ERCC6L2: variants seen among roughly 807,000 people sequenced by gnomAD.
ERCC6L2 encodes the protein DNA excision repair protein ERCC-6-like 2.
A neutral mutation model predicts 132.0 loss-of-function variants in ERCC6L2; 77 were observed. That is an observed-to-expected ratio of 0.58 (90% CI 0.49 to 0.71). The LOEUF is 0.71. Among genes scored for constraint, ERCC6L2 ranks in the 30% least tolerant of loss-of-function variants. The probability of loss-of-function intolerance (pLI) is 0.00; values close to 1 mark genes in which losing one functional copy is unlikely to be tolerated. For synonymous variants in ERCC6L2, 583 were observed against 632.4 expected (o/e 0.92, Z 1.17); for missense variants, 1,542 against 1,837.6 (o/e 0.84, Z 2.94).
intron 6 of ERCC6L2, chr9:95,918,201 T>C: frequency 2.1e-6 from 1 of 481,806 alleles, no homozygotes. Context: ...CAGTCAGCCC[T>C]GTAGACATGA....
chr9:96,021,484 G>A (rs1834288701), downstream of ERCC6L2: 2 of 183,440 alleles, frequency 1.1e-5, no homozygotes, highest in East Asian at 1.8e-4. This position sits in a 1 kb window ranked among gnomAD's most constrained non-coding sequence, Gnocchi z 4.7. Flanking sequence ...TCGGTTCTCC[G>A]GACCCCCGCG....
chr9:95,886,834 C>T lies in ERCC6L2; in HGVS notation c.471+5541C>T, dbSNP rs549547799. On this transcript the variant is annotated intron_variant, in intron 2 of 18. Transcript: ENST00000653738. ...AAAGACAGACCCATCCTTAATCTGG[C>T]AGGCACAGTCTTATCAGCTGCCAGC... Among the ~76,000 whole-genome samples, 22 of 152,306 alleles carry T rather than the reference C, an allele frequency of 1.4e-4. No individual in the cohort carries two copies. The South Asian group carries it at 4.6e-3, about 32-fold the overall frequency.
At chr9:96,023,198 G>A (rs574560252), downstream of ERCC6L2, among the ~76,000 whole-genome samples, 17 of 152,212 alleles carry the variant, frequency 1.1e-4, no homozygotes, top group Middle Eastern at 3.4e-3. Flanking sequence ...AGATAAGACA[G>A]GCCAAGACCC....
At chr9:96,030,070 T>C (rs1438720045) in intron 19 of ERCC6L2, among the ~76,000 whole-genome samples, 1 of 152,208 alleles carries the variant, frequency 6.6e-6, no homozygotes, top group Non-Finnish European at 1.5e-5. Context: ...CTTTTCTGTC[T>C]TACAAGAGGA....
At chr9:95,879,220 C>T (rs1365202903) in intron 1 of ERCC6L2, among the ~76,000 whole-genome samples, 1 of 152,096 alleles carries the variant, frequency 6.6e-6, no homozygotes, top group African/African-American at 2.4e-5. Context: ...GATGGTATCT[C>T]ATTGTGGCTT....
chr9:95,967,378 C>T lies in ERCC6L2; in HGVS notation c.2100+664C>T, dbSNP rs184510556. On this transcript the variant is annotated intron_variant, in intron 14 of 18. Coordinates refer to ENST00000653738, the MANE Select transcript of ERCC6L2 (RefSeq NM_020207.7). ...CCTCCTCATGGTATAGATGAGGAAA[C>T]TGAGTCTTAGAGAACTTCAGGATAT... 4.9e-4 allele frequency: 75 copies of T among 152,236 alleles called. 1 individual carries two copies. The highest frequency in any genetic ancestry group is 3.5e-3 in the Admixed American group (53 of 15,274). 9.4% of individuals were successfully genotyped at this position (152,236 alleles called of 1,614,324 possible). A position where few individuals can be genotyped will look rare whatever the true frequency, so the allele number is the denominator to read the frequency against.
intron 2 of ERCC6L2, among the ~76,000 whole-genome samples, chr9:95,897,477 G>A (rs567814447): frequency 3.9e-5 from 6 of 152,048 alleles, no homozygotes; most frequent in African/African-American, 1.2e-4. Context: ...CCCCCTTAAG[G>A]AATTTATTTT....
At chr9:95,889,467 A>ATGTG (rs150280157) in intron 2 of ERCC6L2, among the ~76,000 whole-genome samples, 7 of 150,786 alleles carry the variant, frequency 4.6e-5, no homozygotes, top group South Asian at 2.1e-4. Flanking sequence ...CTGTCAATAT[A>ATGTG]TGTGTGTGTG....
intron 2 of ERCC6L2, among the ~76,000 whole-genome samples, chr9:95,885,667 G>A (rs1827826897): frequency 6.6e-6 from 1 of 152,188 alleles, no homozygotes; most frequent in African/African-American, 2.4e-5. Context: ...TTGGTAATCA[G>A]ACAACTCAGT....
At chr9:95,907,528 A>G (rs1207608445) in intron 4 of ERCC6L2, among the ~76,000 whole-genome samples, 3 of 151,912 alleles carry the variant, frequency 2.0e-5, no homozygotes, top group Non-Finnish European at 4.4e-5. Context: ...TTTAAAAAGG[A>G]ATAATGATGA....
intron 17 of ERCC6L2, among the ~76,000 whole-genome samples, chr9:95,993,199 A>G (rs988245488): frequency 6.6e-6 from 1 of 152,212 alleles, no homozygotes; most frequent in Non-Finnish European, 1.5e-5. Context: ...AGAAAGGTAC[A>G]GAATCTCCCC....
At chr9:95,974,722 T>TTGTGTGTGTG (rs139478214) in intron 16 of ERCC6L2, among the ~76,000 whole-genome samples, 164 of 149,800 alleles carry the variant, frequency 1.1e-3, no homozygotes, top group African/African-American at 2.3e-3. Context: ...GTGGCCAGAT[T>TTGTGTGTGTG]TGTGTGTGTG....
chr9:95,982,515 A>G (rs1032708432), intron 17 of ERCC6L2, among the ~76,000 whole-genome samples: 1 of 152,100 alleles, frequency 6.6e-6, no homozygotes, highest in Admixed American at 6.6e-5. Flanking sequence ...CTTTAAAGTA[A>G]TTGTTCACAA....
In ERCC6L2 at chr9:95,898,116, A is replaced by G. The variant is rs1587863350; in HGVS notation, c.594+145A>G. ...AAGATGTTATTAAAATATTTGTTTTATAGGCCTAATTTTTGAAAGATTACC... is the reference window on the plus strand; with the variant it reads ...AAGATGTTATTAAAATATTTGTTTTGTAGGCCTAATTTTTGAAAGATTACC... On this transcript the variant is annotated intron_variant, in intron 3 of 18. Coordinates refer to ENST00000653738, the MANE Select transcript of ERCC6L2 (RefSeq NM_020207.7). The G allele has an allele frequency of 1.1e-5, 8 of 755,106 alleles. No individual in the cohort carries two copies. In the South Asian group the frequency reaches 1.5e-4, roughly 14 times the overall value. 46.8% of individuals were successfully genotyped at this position (755,106 alleles called of 1,614,324 possible).
intron 11 of ERCC6L2, among the ~76,000 whole-genome samples, chr9:95,938,443 A>T (rs1452533066): frequency 1.3e-5 from 2 of 152,074 alleles, no homozygotes; most frequent in African/African-American, 4.8e-5. Flanking sequence ...GGGATATTGA[A>T]ATCCTCAACT....
At chr9:95,952,868 A>G (rs1831406881) in intron 12 of ERCC6L2, among the ~76,000 whole-genome samples, 1 of 152,076 alleles carries the variant, frequency 6.6e-6, no homozygotes, top group Non-Finnish European at 1.5e-5. Flanking sequence ...CTACTTCAAC[A>G]TATAAGGTCA....
chr9:96,016,759 A>T lies in ERCC6L2; in HGVS notation c.*3556A>T, dbSNP rs934513503. On this transcript the variant is annotated 3_prime_UTR_variant, in exon 19 of 19. Coordinates refer to ENST00000653738, the MANE Select transcript of ERCC6L2 (RefSeq NM_020207.7). ...ATATCAAAATAGCCCTCTTTTTTGAAATGATGGTAGATCATACCTTTTGGT... is the reference window on the plus strand; with the variant it reads ...ATATCAAAATAGCCCTCTTTTTTGATATGATGGTAGATCATACCTTTTGGT... 6.6e-6 allele frequency among the ~76,000 whole-genome samples: 1 copy of T among 152,212 alleles called. No homozygotes were observed. Among genetic ancestry groups the T allele is most frequent in the Non-Finnish European group, 1.5e-5 (1 of 68,042 alleles).
chr9:95,952,875 G>A (rs1293575196), intron 12 of ERCC6L2, among the ~76,000 whole-genome samples: 1 of 151,984 alleles, frequency 6.6e-6, no homozygotes, highest in Non-Finnish European at 1.5e-5. Context: ...AACATATAAG[G>A]TCATTTATGA....
chr9:95,919,111 C>A (rs1043684505), intron 6 of ERCC6L2, among the ~76,000 whole-genome samples: 7 of 152,064 alleles, frequency 4.6e-5, no homozygotes, highest in African/African-American at 1.7e-4. Context: ...TCGTGATCTG[C>A]CTGCCTCCCA....
Sources: gnomAD v4.1 joint callset for allele counts (sites outside exome capture counted in the v4.1 genomes callset) on GRCh38, gnomAD v4.1.1 for gene constraint, Gnocchi (gnomAD v3.1) non-coding constraint, MANE v1.5 for transcripts, NCBI Gene and HGNC (gene_info 2026-07-23, HGNC 2026-07-21) for gene names.